SYN1: variants seen among roughly 807,000 people sequenced by gnomAD.
SYN1 encodes the protein synapsin I, also known as synapsin-1.
In SYN1, 8 loss-of-function variants were observed where a neutral mutation model predicts 44.6. That is an observed-to-expected ratio of 0.18 (90% CI 0.11 to 0.32). SYN1 has a LOEUF of 0.32. Ranked by LOEUF, SYN1 falls within the 10% of genes least tolerant of loss-of-function variation. The pLI is 1.00. For synonymous variants in SYN1, 275 were observed against 280.1 expected, an observed-to-expected ratio of 0.98 and a Z score of 0.18; for missense variants, 451 against 639.4, an observed-to-expected ratio of 0.71 and a Z score of 3.18.
At chrX:47,612,227 C>T (rs139793977) in intron 1 of SYN1, among the ~76,000 whole-genome samples, 350 of 111,217 alleles carry the variant, frequency 3.1e-3, no homozygotes, top group Non-Finnish European at 3.6e-3. Context: ...GAGAATTTTA[C>T]GCCTTTTGAG....
chrX:47,572,475 A>T lies in SYN1; in HGVS notation c.*389T>A. The T allele has an allele frequency of 5.9e-6, 1 of 168,415 alleles. No homozygotes were observed. The highest frequency in any genetic ancestry group is 1.3e-4 in the South Asian group (1 of 7,952). 13.9% of individuals were successfully genotyped at this position (168,415 alleles called of 1,213,427 possible). On this transcript the variant is annotated 3_prime_UTR_variant, in exon 13 of 13. Transcript: ENST00000295987. ...GTGCTGGAGAGATTTGGGACCAAAAATAGGGTTTTCCAGGAACTTCAGGGC... is the reference window on the plus strand; with the variant it reads ...GTGCTGGAGAGATTTGGGACCAAAATTAGGGTTTTCCAGGAACTTCAGGGC...
At chrX:47,592,308 G>A (rs765987882) in intron 5 of SYN1, among the ~76,000 whole-genome samples, 17 of 108,029 alleles carry the variant, frequency 1.6e-4, no homozygotes, top group Non-Finnish European at 3.1e-4. Context: ...ACTGCACTCC[G>A]GCCTGGGCAA....
At chrX:47,575,031 T>C in intron 10 of SYN1, 97 bp downstream of exon 10, 1 of 1,081,922 alleles carries the variant, frequency 9.2e-7, no homozygotes, top group African/African-American at 1.8e-5. Flanking sequence ...AAGGTGATGC[T>C]GTGAGCCTAC....
rs1603071782 is a variant in SYN1, at chrX:47,606,878, T to A, written c.527+67A>T. ...AGGATGGGTGGGGAGGTAGGAACTT[T>A]CCCCCAGCTCTAAGGGAGAGTTCTT... is the stretch of plus-strand genomic sequence containing the variant. On this transcript the variant is annotated intron_variant, in intron 3 of 12. Coordinates refer to ENST00000295987, the MANE Select transcript of SYN1 (RefSeq NM_006950.3). 4 of 1,070,830 alleles carry A rather than the reference T, an allele frequency of 3.7e-6. No individual in the cohort carries two copies. In the Admixed American group the frequency reaches 9.3e-5, roughly 25 times the overall value. The allele number at this position is 1,070,830 out of a possible 1,213,427, so 88.2% of individuals were successfully genotyped here.
intron 6 of SYN1, 90 bp downstream of exon 6, chrX:47,577,346 TAAC>T: frequency 2.0e-6 from 2 of 978,581 alleles, no homozygotes; most frequent in Non-Finnish European, 2.9e-6. Flanking sequence ...ACCTGATAGA[TAAC>T]GACACCCCAG....
chrX:47,599,677 G>GAAATAATAATAAATGTGAAATAATAA (rs1187599371), intron 5 of SYN1, among the ~76,000 whole-genome samples: 3 of 112,283 alleles, frequency 2.7e-5, no homozygotes, highest in Non-Finnish European at 5.6e-5. Flanking sequence ...ATACTAGAGT[G>GAAATAATAATAAATGTGAAATAATAA]ATGTGAAAAT....
chrX:47,594,095 A>G (rs1417036686), intron 5 of SYN1, among the ~76,000 whole-genome samples: 1 of 110,720 alleles, frequency 9.0e-6, no homozygotes. Context: ...TTAGCTAGGC[A>G]TGGTGGCACG....
intron 5 of SYN1, among the ~76,000 whole-genome samples, chrX:47,588,071 C>T (rs958955229): frequency 1.1e-4 from 12 of 112,244 alleles, no homozygotes; most frequent in South Asian, 3.7e-4. Context: ...GGTTACCCCA[C>T]GGCCCAAATT....
intron 1 of SYN1, among the ~76,000 whole-genome samples, chrX:47,613,361 G>A (rs986677909): frequency 9.0e-6 from 1 of 110,566 alleles, no homozygotes; most frequent in Non-Finnish European, 1.9e-5. Flanking sequence ...TATGTGTGGG[G>A]GCAGCAGTGT....
chrX:47,580,545 T>G (rs1306066297), intron 5 of SYN1, among the ~76,000 whole-genome samples: 1 of 106,903 alleles, frequency 9.4e-6, no homozygotes, highest in Non-Finnish European at 1.9e-5. Flanking sequence ...GCAGGAGAAT[T>G]GCTTGAACCC....
chrX:47,591,540 G>T (rs1474987956), intron 5 of SYN1, among the ~76,000 whole-genome samples: 1 of 109,985 alleles, frequency 9.1e-6, no homozygotes, highest in Non-Finnish European at 1.9e-5. Flanking sequence ...GGCCAACATG[G>T]TGAAACCCCG....
intron 1 of SYN1, among the ~76,000 whole-genome samples, chrX:47,617,911 G>A (rs1040776484): frequency 9.0e-6 from 1 of 111,496 alleles, no homozygotes; most frequent in African/African-American, 3.3e-5. Flanking sequence ...GGCTGGGGAT[G>A]GACATATAGT....
At position 47,575,648 on chromosome X, in the gene SYN1, C is replaced by T. The variant is rs183993822; in HGVS notation, c.1159-374G>A. On this transcript the variant is annotated intron_variant, in intron 9 of 12. Transcript: ENST00000295987. ...AAACAAAGTTTTATTGGAACACAGC[C>T]ACACTTATTTTTTTAACATATCGTC... Among the ~76,000 whole-genome samples the T allele has an allele frequency of 1.5e-4, 17 of 112,366 alleles. No individual in the cohort carries two copies. In the East Asian group the frequency reaches 4.2e-3, roughly 28 times the overall value.
At chrX:47,614,976 C>G (rs748275096) in intron 1 of SYN1, among the ~76,000 whole-genome samples, 1 of 110,960 alleles carries the variant, frequency 9.0e-6, no homozygotes, top group African/African-American at 3.3e-5. Flanking sequence ...CAACCTCCCC[C>G]ACAGGTGTTA....
chrX:47,616,111 G>A (rs2057930532), intron 1 of SYN1, among the ~76,000 whole-genome samples: 1 of 111,346 alleles, frequency 9.0e-6, no homozygotes, highest in African/African-American at 3.3e-5. Flanking sequence ...TGAAATCCCT[G>A]AAGCTAGTGT....
At chrX:47,611,342 G>A (rs910136573) in intron 1 of SYN1, among the ~76,000 whole-genome samples, 2 of 111,576 alleles carry the variant, frequency 1.8e-5, no homozygotes, top group Admixed American at 1.9e-4. Context: ...CTGGCCCCTG[G>A]AGAGGTCAGA....
At position 47,619,433 on chromosome X, in the gene SYN1, A is replaced by C; in HGVS notation, c.296T>G (p.Val99Gly). The change falls in exon 1 of 13, where the codon GTG becomes GGG. Residue 99 changes from valine (V) to glycine (G), a missense_variant. Transcript: ENST00000295987. ...GCCTGCGCCCCCAGAGCCGCCGCCCACCTGCTCGCTGAAGGTGGCAGCTGC... is the reference window on the plus strand; with the variant it reads ...GCCTGCGCCCCCAGAGCCGCCGCCCCCCTGCTCGCTGAAGGTGGCAGCTGC... ...AAAAATFSEQ[V>G]GGGSGGAGRG... 1 of 1,192,926 alleles carries C rather than the reference A, an allele frequency of 8.4e-7. No individual in the cohort carries two copies.
At chrX:47,592,382 C>T (rs1603064223) in intron 5 of SYN1, among the ~76,000 whole-genome samples, 2 of 109,963 alleles carry the variant, frequency 1.8e-5, no homozygotes, top group East Asian at 2.8e-4. Flanking sequence ...ATGAAATCTT[C>T]GTAAAATGTC....
At chrX:47,574,859 T>A (rs2057772517) in intron 10 of SYN1, 84 bp from the exon 11 acceptor site, 1 of 926,800 alleles carries the variant, frequency 1.1e-6, no homozygotes, top group South Asian at 2.1e-5. Context: ...AGGTTCCCTG[T>A]GCGCTGGGTG....
Sources: gnomAD v4.1 joint callset for allele counts (sites outside exome capture counted in the v4.1 genomes callset) on GRCh38, gnomAD v4.1.1 for gene constraint, MANE v1.5 for transcripts, NCBI Gene and HGNC (gene_info 2026-07-23, HGNC 2026-07-21) for gene names.